Variants in KAZN observed in about 807,000 individuals in gnomAD.
KAZN encodes the protein kazrin, periplakin interacting protein.
Under a neutral mutation model 87.4 loss-of-function variants are expected in KAZN, and 40 were observed. The ratio of observed to expected loss-of-function variants is 0.46; its 90% confidence interval spans 0.36 to 0.60. KAZN has a LOEUF of 0.60. Among genes scored for constraint, KAZN ranks in the 20% least tolerant of loss-of-function variants. KAZN has a pLI of 0.00. For missense variants in KAZN, 898 were observed against 1,073.9 expected, an observed-to-expected ratio of 0.84 and a Z score of 2.29; for synonymous variants, 466 against 458.3, an observed-to-expected ratio of 1.02 and a Z score of -0.22.
intron 2 of KAZN, among the ~76,000 whole-genome samples, chr1:14,506,562 C>A (rs912439142): frequency 1.3e-5 from 2 of 152,138 alleles, no homozygotes; most frequent in African/African-American, 4.8e-5. Flanking sequence ...CTTTCTGTGC[C>A]TCAGTCCTTT....
chr1:14,412,572 T>C (rs1664392896), intron 2 of KAZN, among the ~76,000 whole-genome samples: 1 of 152,078 alleles, frequency 6.6e-6, no homozygotes, highest in African/African-American at 2.4e-5. Context: ...GAATAAACTT[T>C]TATGGAGAAA....
At chr1:14,454,026 A>G (rs1430225198) in intron 2 of KAZN, among the ~76,000 whole-genome samples, 1 of 152,212 alleles carries the variant, frequency 6.6e-6, no homozygotes, top group Non-Finnish European at 1.5e-5. Context: ...AGGTTCTGGT[A>G]TATTTCACAG....
chr1:14,101,292 G>A (rs1025410978), intron 1 of KAZN, among the ~76,000 whole-genome samples: 18 of 152,106 alleles, frequency 1.2e-4, no homozygotes, highest in Non-Finnish European at 2.2e-4. Flanking sequence ...TATGTGCACG[G>A]CATCATAATA....
At chr1:14,354,039 T>C (rs939716811) in intron 2 of KAZN, among the ~76,000 whole-genome samples, 19 of 152,148 alleles carry the variant, frequency 1.2e-4, no homozygotes, top group African/African-American at 4.6e-4. Context: ...GTTATGGTAA[T>C]CACAACAGTG....
At chr1:14,225,896 CTG>C (rs1159721497) in intron 2 of KAZN, among the ~76,000 whole-genome samples, 3 of 152,170 alleles carry the variant, frequency 2.0e-5, no homozygotes, top group Non-Finnish European at 2.9e-5. Flanking sequence ...AAACCTAAAA[CTG>C]TAAAAACCCT....
intron 1 of KAZN, among the ~76,000 whole-genome samples, chr1:14,131,562 T>C (rs1644993256): frequency 6.6e-6 from 1 of 152,030 alleles, no homozygotes; most frequent in Non-Finnish European, 1.5e-5. Flanking sequence ...GGGAGCTCAA[T>C]ACTTTTCAAG....
chr1:14,901,724 T>C (rs1655936327), intron 1 of KAZN, among the ~76,000 whole-genome samples: 1 of 152,134 alleles, frequency 6.6e-6, no homozygotes, highest in Non-Finnish European at 1.5e-5. Context: ...AAAACAGCCA[T>C]TGTGGGAGAA....
At chr1:14,064,601 T>C (rs985236296) in intron 1 of KAZN, among the ~76,000 whole-genome samples, 5 of 150,036 alleles carry the variant, frequency 3.3e-5, no homozygotes, top group African/African-American at 1.2e-4. Context: ...TTTGAGCTGA[T>C]GGGCATTGTG....
chr1:14,820,383 T>C lies in KAZN; in HGVS notation c.227-140301T>C, dbSNP rs1646704679. Among the ~76,000 whole-genome samples the C allele has an allele frequency of 6.6e-6, 1 of 152,210 alleles. No homozygotes were observed. Among genetic ancestry groups the C allele is most frequent in the East Asian group, 1.9e-4 (1 of 5,192 alleles). On this transcript the variant is annotated intron_variant, in intron 1 of 14. Transcript: ENST00000376030. The surrounding 1 kb of genome is among the most constrained non-coding windows in gnomAD (Gnocchi z 4.1). Reference sequence around the variant, plus strand: ...AATTTCAAGTGCCACATCATCTGGGTATCATGAGAGCCCATCTCCATCTGC... The same window carrying C: ...AATTTCAAGTGCCACATCATCTGGGCATCATGAGAGCCCATCTCCATCTGC...
At chr1:13,922,550 C>G (rs140327566) in intron 1 of KAZN, among the ~76,000 whole-genome samples, 5 of 152,332 alleles carry the variant, frequency 3.3e-5, no homozygotes, top group Non-Finnish European at 7.4e-5. Context: ...CCTGGCAGAG[C>G]TGCTTGTGCT....
intron 1 of KAZN, among the ~76,000 whole-genome samples, chr1:14,669,577 C>T (rs1182484754): frequency 6.6e-6 from 1 of 152,130 alleles, no homozygotes; most frequent in Admixed American, 6.5e-5. Flanking sequence ...GACCCCATCT[C>T]TACACAAAAA....
intron 1 of KAZN, among the ~76,000 whole-genome samples, chr1:14,154,727 C>T (rs1025513039): frequency 1.3e-5 from 2 of 152,136 alleles, no homozygotes; most frequent in Non-Finnish European, 2.9e-5. Flanking sequence ...TTATCAAATG[C>T]TTTTTCAGCA....
chr1:14,546,337 C>G (rs1375689394), intron 2 of KAZN, among the ~76,000 whole-genome samples: 1 of 152,208 alleles, frequency 6.6e-6, no homozygotes, highest in Non-Finnish European at 1.5e-5. Flanking sequence ...AAACAAATTT[C>G]TCTCTTTTTC....
chr1:14,468,101 C>T (rs1430521402), intron 2 of KAZN, among the ~76,000 whole-genome samples: 3 of 152,098 alleles, frequency 2.0e-5, no homozygotes, highest in East Asian at 1.9e-4. Context: ...ACTTAGCTGG[C>T]TAATAAACCA....
At chr1:14,623,531 C>A (rs1230002249) in intron 1 of KAZN, among the ~76,000 whole-genome samples, 2 of 152,166 alleles carry the variant, frequency 1.3e-5, no homozygotes, top group Non-Finnish European at 2.9e-5. Flanking sequence ...GAACTTAATA[C>A]CTGATTGATG....
chr1:14,472,514 G>A (rs949525050), intron 2 of KAZN, among the ~76,000 whole-genome samples: 2 of 151,982 alleles, frequency 1.3e-5, no homozygotes, highest in African/African-American at 4.8e-5. Flanking sequence ...TTTATCTTTC[G>A]TTGGCCAAAA....
intron 2 of KAZN, among the ~76,000 whole-genome samples, chr1:15,002,819 T>C (rs1018943937): frequency 6.6e-6 from 1 of 150,940 alleles, no homozygotes; most frequent in Non-Finnish European, 1.5e-5. Context: ...CTACTGAAAA[T>C]AGAAAAATTA....
chr1:14,821,719 T>C (rs141249080), intron 1 of KAZN, among the ~76,000 whole-genome samples: 38 of 152,188 alleles, frequency 2.5e-4, no homozygotes, highest in African/African-American at 8.7e-4. Flanking sequence ...AACACCTAGA[T>C]CTCAGACTTC....
chr1:14,504,397 C>T (rs532437893), intron 2 of KAZN, among the ~76,000 whole-genome samples: 44 of 152,306 alleles, frequency 2.9e-4, no homozygotes, highest in Non-Finnish European at 5.1e-4. Flanking sequence ...CAAGTGAAAA[C>T]TAGCATAATG....
Sources: gnomAD v4.1 joint callset for allele counts (sites outside exome capture counted in the v4.1 genomes callset) on GRCh38, gnomAD v4.1.1 for gene constraint, Gnocchi (gnomAD v3.1) non-coding constraint, MANE v1.5 for transcripts, NCBI Gene and HGNC (gene_info 2026-07-23, HGNC 2026-07-21) for gene names.